The following MAPK10 variants were observed in gnomAD, a reference collection of about 807,000 sequenced individuals.
MAPK10 encodes the protein mitogen-activated protein kinase 10.
In MAPK10, 25 loss-of-function variants were observed where a neutral mutation model predicts 59.3. The ratio of observed to expected loss-of-function variants is 0.42; its 90% CI spans 0.31 to 0.59. The LOEUF is 0.59. MAPK10 is among the 20% of genes least tolerant of loss of function. MAPK10 has a pLI of 0.15. For missense variants in MAPK10, 351 were observed against 568.9 expected, an observed-to-expected ratio of 0.62 and a Z score of 3.90; for synonymous variants, 190 against 200.5, an observed-to-expected ratio of 0.95 and a Z score of 0.44.
At chr4:86,140,726 T>A (rs1329120501) in intron 4 of MAPK10, among the ~76,000 whole-genome samples, 1 of 152,046 alleles carries the variant, frequency 6.6e-6, no homozygotes, top group Non-Finnish European at 1.5e-5. Flanking sequence ...TGCATTCTGA[T>A]TTCAACCAGC....
At chr4:86,254,994 C>T (rs2093642010) in intron 2 of MAPK10, among the ~76,000 whole-genome samples, 1 of 151,990 alleles carries the variant, frequency 6.6e-6, no homozygotes, top group South Asian at 2.1e-4. Context: ...AAAGTGACAT[C>T]ACCAAGGTAA....
chr4:86,205,764 A>G (rs2083685321), intron 2 of MAPK10, among the ~76,000 whole-genome samples: 1 of 152,028 alleles, frequency 6.6e-6, no homozygotes, highest in Admixed American at 6.6e-5. Flanking sequence ...TTTCAAATCT[A>G]TTCATGGTTA....
intron 1 of MAPK10, among the ~76,000 whole-genome samples, chr4:86,480,506 C>T (rs1753520990): frequency 1.3e-5 from 2 of 152,198 alleles, no homozygotes; most frequent in Non-Finnish European, 2.9e-5. Context: ...GGTCTCTTCA[C>T]ACGGATGCGA....
intron 9 of MAPK10, among the ~76,000 whole-genome samples, chr4:86,087,516 A>G (rs2052145702): frequency 2.0e-5 from 3 of 152,192 alleles, no homozygotes; most frequent in Admixed American, 2.0e-4. Flanking sequence ...TTCAAATAGC[A>G]TTAATGTTGA....
intron 4 of MAPK10, among the ~76,000 whole-genome samples, chr4:86,156,489 T>C (rs1175074770): frequency 1.3e-5 from 2 of 152,052 alleles, no homozygotes; most frequent in East Asian, 3.8e-4. Flanking sequence ...ACAGAAATAA[T>C]ATGGCTTCAC....
intron 1 of MAPK10, among the ~76,000 whole-genome samples, chr4:86,516,505 C>T (rs764681616): frequency 2.0e-5 from 3 of 152,034 alleles, no homozygotes; most frequent in African/African-American, 4.8e-5. Context: ...TGATTCTACC[C>T]GTCAGTGAGC....
intron 2 of MAPK10, among the ~76,000 whole-genome samples, chr4:86,242,047 T>G (rs368547775): frequency 0.016 from 2,434 of 152,088 alleles, 79 homozygotes; most frequent in African/African-American, 0.055. Context: ...TTGGTGGTGG[T>G]GGTGGTGTTG....
At chr4:86,039,703 A>G (rs1054598246) in intron 11 of MAPK10, among the ~76,000 whole-genome samples, 3 of 152,168 alleles carry the variant, frequency 2.0e-5, no homozygotes, top group Non-Finnish European at 2.9e-5. Context: ...CTCAAAGCCA[A>G]TCCCAGAGCC....
At chr4:86,204,491 A>ATAGC in intron 2 of MAPK10, among the ~76,000 whole-genome samples, 1 of 152,102 alleles carries the variant, frequency 6.6e-6, no homozygotes, top group South Asian at 2.1e-4. Flanking sequence ...ACCAATCAAG[A>ATAGC]TAGCTAGTAC....
chr4:86,166,797 G>A (rs1034142132), intron 3 of MAPK10, among the ~76,000 whole-genome samples: 2 of 151,936 alleles, frequency 1.3e-5, no homozygotes, highest in Non-Finnish European at 2.9e-5. Context: ...TTCAAAAAGC[G>A]ATGTGCTCAC....
At chr4:86,440,994 T>C (rs148967488) in intron 1 of MAPK10, among the ~76,000 whole-genome samples, 3 of 152,340 alleles carry the variant, frequency 2.0e-5, no homozygotes, top group Non-Finnish European at 4.4e-5. Context: ...AAAAGCATCA[T>C]AATTAATTAT....
chr4:86,097,205 T>C (rs2054397021), intron 9 of MAPK10, among the ~76,000 whole-genome samples: 1 of 152,006 alleles, frequency 6.6e-6, no homozygotes, highest in Non-Finnish European at 1.5e-5. Context: ...TAGACTATAA[T>C]TTCAAGTGCT....
At chr4:86,107,418 A>T in intron 4 of MAPK10, 66 bp from the exon 5 acceptor site, 3 of 1,563,210 alleles carry the variant, frequency 1.9e-6, no homozygotes, top group Non-Finnish European at 2.6e-6. Flanking sequence ...TGCCTACTTG[A>T]TTAAGGATAC....
chr4:86,255,627 T>TA (rs1563658240), intron 2 of MAPK10, among the ~76,000 whole-genome samples: 1 of 150,764 alleles, frequency 6.6e-6, no homozygotes, highest in East Asian at 2.0e-4. Flanking sequence ...AACGTTTTTT[T>TA]AAAAAATCAA....
chr4:86,245,652 T>C (rs1274656212), intron 2 of MAPK10, among the ~76,000 whole-genome samples: 4 of 152,044 alleles, frequency 2.6e-5, no homozygotes, highest in Non-Finnish European at 4.4e-5. Context: ...CAATTCTTAA[T>C]AAGGAGAACA....
Position 86,013,995 on chromosome 4 carries a change from A to C in MAPK10, c.*3233T>G, listed in dbSNP as rs1205443876. 2 of 152,222 alleles carry C rather than the reference A, an allele frequency of 1.3e-5. No homozygotes were observed. The highest frequency in any genetic ancestry group is 4.8e-5 in the African/African-American group (2 of 41,464). 9.4% of individuals were successfully genotyped at this position (152,222 alleles called of 1,614,324 possible). A position where few individuals can be genotyped will look rare whatever the true frequency, so the allele number is the denominator to read the frequency against. ...AATAGTAAAGACATATTAATAGTAAAGTGGTGGCGGTTTTGCCAAACTCTT... is the reference window on the plus strand; with the variant it reads ...AATAGTAAAGACATATTAATAGTAACGTGGTGGCGGTTTTGCCAAACTCTT... On this transcript the variant is annotated 3_prime_UTR_variant, in exon 14 of 14. Transcript: ENST00000641462.
chr4:86,318,724 ATCTAGCC>A (rs2095836952), intron 2 of MAPK10, among the ~76,000 whole-genome samples: 1 of 152,152 alleles, frequency 6.6e-6, no homozygotes, highest in Admixed American at 6.6e-5. Context: ...AAGTAAATAG[ATCTAGCC>A]TCTAGCCACC....
At chr4:86,355,691 A>T (rs944087347) in intron 1 of MAPK10, among the ~76,000 whole-genome samples, 5 of 152,160 alleles carry the variant, frequency 3.3e-5, no homozygotes, top group African/African-American at 1.2e-4. Context: ...AGAAAAAGTC[A>T]GTCCCTGATG....
chr4:86,189,127 T>C (rs1240522120), intron 3 of MAPK10, among the ~76,000 whole-genome samples: 2 of 152,208 alleles, frequency 1.3e-5, no homozygotes, highest in Non-Finnish European at 1.5e-5. Flanking sequence ...ACCAGCACCA[T>C]GCTGTTTTGG....
Sources: gnomAD v4.1 joint callset for allele counts (sites outside exome capture counted in the v4.1 genomes callset) on GRCh38, gnomAD v4.1.1 for gene constraint, MANE v1.5 for transcripts, NCBI Gene and HGNC (gene_info 2026-07-23, HGNC 2026-07-21) for gene names.